Variants in ITPR1 observed in about 807,000 individuals in gnomAD.
ITPR1 encodes inositol 1,4,5-trisphosphate-gated calcium channel ITPR1.
Under a neutral mutation model 318.4 loss-of-function variants are expected in ITPR1, and 96 were observed. The ratio of observed to expected loss-of-function variants is 0.30; its 90% CI spans 0.26 to 0.36. The LOEUF (loss-of-function observed/expected upper bound fraction) is 0.36, where lower values mean the gene tolerates loss of function less well. Among genes scored for constraint, ITPR1 ranks in the 10% least tolerant of loss-of-function variants. The pLI is 1.00. For missense variants in ITPR1, 2,440 were observed against 3,460.2 expected, an observed-to-expected ratio of 0.71 and a Z score of 7.40; for synonymous variants, 1,312 against 1,289.9, an observed-to-expected ratio of 1.02 and a Z score of -0.37.
chr3:4,817,715 C>G (rs534517592), intron 59 of ITPR1, among the ~76,000 whole-genome samples: 15 of 152,372 alleles, frequency 9.8e-5, no homozygotes, highest in Non-Finnish European at 1.9e-4. Context: ...GGCGAAGGGA[C>G]TTCACATTCC....
intron 39 of ITPR1, among the ~76,000 whole-genome samples, chr3:4,713,967 C>A (rs1409682882): frequency 1.3e-5 from 2 of 152,182 alleles, no homozygotes. Context: ...GTGCTTCTGG[C>A]CCAATGCTTG....
chr3:4,741,663 G>A (rs1333079343), intron 44 of ITPR1, among the ~76,000 whole-genome samples: 1 of 152,134 alleles, frequency 6.6e-6, no homozygotes, highest in African/African-American at 2.4e-5. Context: ...CGTTGGTTGG[G>A]CTATCTCTGA....
chr3:4,837,649 A>G (rs2051023044), intron 61 of ITPR1, among the ~76,000 whole-genome samples: 1 of 152,030 alleles, frequency 6.6e-6, no homozygotes, highest in Admixed American at 6.5e-5. Context: ...GGCAGTTTCC[A>G]ATTTAAAGTA....
intron 4 of ITPR1, among the ~76,000 whole-genome samples, chr3:4,561,400 C>G (rs1272311764): frequency 6.6e-6 from 1 of 152,170 alleles, no homozygotes; most frequent in South Asian, 2.1e-4. Flanking sequence ...CAAGAAATCC[C>G]AGCTTGATTT....
intron 44 of ITPR1, among the ~76,000 whole-genome samples, chr3:4,756,428 A>C (rs901253203): frequency 6.6e-6 from 1 of 152,180 alleles, no homozygotes; most frequent in East Asian, 1.9e-4. Flanking sequence ...TTCATCACCC[A>C]GGTACTAAGC....
chr3:4,664,932 G>A (rs1285618434), intron 16 of ITPR1, among the ~76,000 whole-genome samples: 2 of 152,178 alleles, frequency 1.3e-5, no homozygotes, highest in African/African-American at 4.8e-5. Flanking sequence ...AGGTGTATGA[G>A]GACCAGTGGA....
chr3:4,515,753 C>T (rs901440624), intron 2 of ITPR1, among the ~76,000 whole-genome samples: 14 of 152,140 alleles, frequency 9.2e-5, no homozygotes, highest in African/African-American at 1.2e-4. Context: ...TAACTAGCTG[C>T]GTGTTCCTGG....
intron 44 of ITPR1, among the ~76,000 whole-genome samples, chr3:4,740,205 G>T (rs959581974): frequency 6.6e-6 from 1 of 152,146 alleles, no homozygotes; most frequent in Non-Finnish European, 1.5e-5. Flanking sequence ...CATTATAATC[G>T]ATTGAGCACC....
At chr3:4,605,534 A>C (rs930541521) in intron 4 of ITPR1, among the ~76,000 whole-genome samples, 9 of 152,188 alleles carry the variant, frequency 5.9e-5, no homozygotes, top group Admixed American at 5.9e-4. Context: ...TAGCAAATGG[A>C]CACTGAAATA....
chr3:4,603,493 A>G (rs962348529), intron 4 of ITPR1, among the ~76,000 whole-genome samples: 18 of 151,998 alleles, frequency 1.2e-4, no homozygotes, highest in African/African-American at 4.3e-4. Flanking sequence ...GCAGTGGTGC[A>G]ATCTCGGCTC....
At chr3:4,753,187 T>C (rs4685813) in intron 44 of ITPR1, among the ~76,000 whole-genome samples, 31,085 of 151,960 alleles carry the variant, frequency 0.2, 3,244 homozygotes, top group Middle Eastern at 0.23. Flanking sequence ...CCCATGGTGG[T>C]CGGTCAGGGG....
intron 4 of ITPR1, among the ~76,000 whole-genome samples, chr3:4,625,839 G>A (rs896589448): frequency 1.3e-5 from 2 of 152,192 alleles, no homozygotes; most frequent in African/African-American, 2.4e-5. Context: ...TTACAGGCGT[G>A]AGCCACCGCA....
intron 45 of ITPR1, 39 bp from the exon 46 acceptor site, chr3:4,768,472 G>A (rs1559862955): frequency 6.4e-7 from 1 of 1,565,184 alleles, no homozygotes; most frequent in East Asian, 2.3e-5. Flanking sequence ...GGGCCCATGA[G>A]GACTCTGCAG....
At chr3:4,731,008 T>C (rs4685806) in intron 42 of ITPR1, among the ~76,000 whole-genome samples, 32,790 of 152,152 alleles carry the variant, frequency 0.22, 4,743 homozygotes, top group East Asian at 0.73. Context: ...CAATCACTCC[T>C]GTTGCTGGAA....
chr3:4,528,047 T>C (rs2083124501), intron 4 of ITPR1, among the ~76,000 whole-genome samples: 1 of 152,214 alleles, frequency 6.6e-6, no homozygotes, highest in African/African-American at 2.4e-5. Context: ...TTCTCTGATC[T>C]TGGTCTTGCC....
At chr3:4,528,386 G>A (rs1186552656) in intron 4 of ITPR1, among the ~76,000 whole-genome samples, 1 of 152,098 alleles carries the variant, frequency 6.6e-6, no homozygotes, top group Non-Finnish European at 1.5e-5. Flanking sequence ...GGCCAGATGG[G>A]GACACAGGCA....
chr3:4,659,987 C>A (rs1162883804), intron 13 of ITPR1, among the ~76,000 whole-genome samples: 1 of 152,132 alleles, frequency 6.6e-6, no homozygotes, highest in Non-Finnish European at 1.5e-5. Context: ...TGCACCTGTA[C>A]TATCACCACT....
At chr3:4,725,118 A>C (rs1010393971) in intron 40 of ITPR1, among the ~76,000 whole-genome samples, 3 of 151,902 alleles carry the variant, frequency 2.0e-5, no homozygotes, top group South Asian at 2.1e-4. Flanking sequence ...AACTTTCCCA[A>C]GCCTTGGGCC....
At chr3:4,776,863 C>G (rs1264815928) in intron 47 of ITPR1, among the ~76,000 whole-genome samples, 1 of 152,144 alleles carries the variant, frequency 6.6e-6, no homozygotes, top group African/African-American at 2.4e-5. Flanking sequence ...GCTTTCCAAG[C>G]TTAAGCCTTA....
Sources: allele counts gnomAD v4.1 joint callset (sites outside exome capture counted in the v4.1 genomes callset), GRCh38; gene constraint gnomAD v4.1.1; transcripts MANE v1.5; gene names NCBI Gene and HGNC (gene_info 2026-07-23, HGNC 2026-07-21).